Variants in YWHAG observed in about 807,000 individuals in gnomAD.
The protein encoded by YWHAG is 14-3-3 protein gamma.
A neutral mutation model predicts 23.3 loss-of-function variants in YWHAG; 1 was observed. The ratio of observed to expected loss-of-function variants is 0.04; its 90% CI spans 0.02 to 0.20. The LOEUF (loss-of-function observed/expected upper bound fraction) is 0.20, where lower values mean the gene tolerates loss of function less well. YWHAG is among the 10% of genes least tolerant of loss of function. YWHAG has a pLI of 1.00. For synonymous variants in YWHAG, 160 were observed against 144.0 expected (o/e 1.11, Z -0.80); for missense variants, 151 against 338.6 (o/e 0.45, Z 4.35).
intron 1 of YWHAG, among the ~76,000 whole-genome samples, chr7:76,356,523 C>G (rs1803962961): frequency 6.6e-6 from 1 of 152,132 alleles, no homozygotes; most frequent in South Asian, 2.1e-4. Context: ...AGGAAGTCAT[C>G]ATTTTTTTAA....
At chr7:76,356,605 G>A (rs1803964488) in intron 1 of YWHAG, among the ~76,000 whole-genome samples, 1 of 152,106 alleles carries the variant, frequency 6.6e-6, no homozygotes, top group African/African-American at 2.4e-5. Flanking sequence ...GTGCACTAGT[G>A]TCATAAACTA....
At chr7:76,338,870 C>T (rs1407153722) in intron 1 of YWHAG, among the ~76,000 whole-genome samples, 1 of 152,182 alleles carries the variant, frequency 6.6e-6, no homozygotes, top group African/African-American at 2.4e-5. Flanking sequence ...CTAGTTGGCA[C>T]TAAAAATCAC....
intron 1 of YWHAG, among the ~76,000 whole-genome samples, chr7:76,342,406 G>A (rs141996577): frequency 8.5e-5 from 13 of 152,268 alleles, no homozygotes; most frequent in South Asian, 2.1e-4. Flanking sequence ...GGTGAAGGAC[G>A]GTCTCTGACC....
intron 1 of YWHAG, among the ~76,000 whole-genome samples, chr7:76,339,451 C>T (rs1229025491): frequency 6.6e-6 from 1 of 152,026 alleles, no homozygotes; most frequent in Non-Finnish European, 1.5e-5. Context: ...GCCTGGGCAA[C>T]AGAGCAAGAT....
At chr7:76,336,565 G>A (rs1163484031) in intron 1 of YWHAG, among the ~76,000 whole-genome samples, 5 of 147,930 alleles carry the variant, frequency 3.4e-5, no homozygotes, top group Non-Finnish European at 7.4e-5. Flanking sequence ...AGTGATTCTC[G>A]TGCCTCAGCC....
chr7:76,342,407 G>A (rs745736022), intron 1 of YWHAG, among the ~76,000 whole-genome samples: 7 of 152,156 alleles, frequency 4.6e-5, no homozygotes, highest in Non-Finnish European at 8.8e-5. Context: ...GTGAAGGACG[G>A]TCTCTGACCC....
At chr7:76,349,434 CACACACACAG>C (rs1350443829) in intron 1 of YWHAG, among the ~76,000 whole-genome samples, 1 of 127,456 alleles carries the variant, frequency 7.8e-6, no homozygotes, top group East Asian at 2.7e-4. Flanking sequence ...CACACACACA[CACACACACAG>C]ACACACACAC....
At chr7:76,340,930 G>A (rs754470585) in intron 1 of YWHAG, among the ~76,000 whole-genome samples, 13 of 152,170 alleles carry the variant, frequency 8.5e-5, no homozygotes, top group Non-Finnish European at 1.6e-4. Flanking sequence ...AGGCTGGAGT[G>A]CAGTAGTATG....
chr7:76,335,206 T>C (rs952005448), intron 1 of YWHAG, among the ~76,000 whole-genome samples: 1 of 152,110 alleles, frequency 6.6e-6, no homozygotes, highest in Non-Finnish European at 1.5e-5. Flanking sequence ...TACAGGCGTG[T>C]GCCACTACGC....
chr7:76,349,891 G>T (rs1803849233), intron 1 of YWHAG, among the ~76,000 whole-genome samples: 1 of 152,200 alleles, frequency 6.6e-6, no homozygotes, highest in African/African-American at 2.4e-5. Flanking sequence ...CTACTGGGGA[G>T]GCTGAGGTAG....
Position 76,329,491 on chromosome 7 carries a change from C to CAA in YWHAG, c.*85_*86insTT. ...CCTGGGAAGGTCATCCCTCCCTTTC[C>CAA]CTCCCCCACCCGACCCCCAACTCAT... On this transcript the variant is annotated 3_prime_UTR_variant, in exon 2 of 2. Coordinates refer to ENST00000307630, the MANE Select transcript of YWHAG (RefSeq NM_012479.4). The surrounding 1 kb of genome is among the most constrained non-coding windows in gnomAD (Gnocchi z 6.1). 1.0e-6 allele frequency: 1 copy of CAA among 981,326 alleles called. No individual in the cohort carries two copies. 60.8% of individuals were successfully genotyped at this position (981,326 alleles called of 1,614,324 possible). A position where few individuals can be genotyped will look rare whatever the true frequency, so the allele number is the denominator to read the frequency against.
chr7:76,348,528 C>T (rs753907642), intron 1 of YWHAG, among the ~76,000 whole-genome samples: 7 of 151,846 alleles, frequency 4.6e-5, no homozygotes, highest in Non-Finnish European at 8.8e-5. Flanking sequence ...CTCAGCCTCC[C>T]GAGTAGCTGG....
At chr7:76,349,928 A>C (rs774298705) in intron 1 of YWHAG, among the ~76,000 whole-genome samples, 1 of 152,070 alleles carries the variant, frequency 6.6e-6, no homozygotes, top group Non-Finnish European at 1.5e-5. Flanking sequence ...CAGGAGGGGG[A>C]GGTTGCAGTG....
intron 1 of YWHAG, among the ~76,000 whole-genome samples, chr7:76,353,241 C>A (rs1201765641): frequency 6.6e-6 from 1 of 152,008 alleles, no homozygotes; most frequent in Non-Finnish European, 1.5e-5. Flanking sequence ...AAGATGGAGT[C>A]TTGCTCTGTC....
At chr7:76,339,949 TGTG>T (rs1166696214) in intron 1 of YWHAG, among the ~76,000 whole-genome samples, 1 of 151,180 alleles carries the variant, frequency 6.6e-6, no homozygotes, top group Non-Finnish European at 1.5e-5. Context: ...ATTAGCCAGG[TGTG>T]GTGGCACACA....
intron 1 of YWHAG, among the ~76,000 whole-genome samples, chr7:76,349,938 G>A (rs1803850137): frequency 2.6e-5 from 4 of 152,162 alleles, no homozygotes; most frequent in African/African-American, 9.7e-5. Context: ...AGGTTGCAGT[G>A]AGTTGAGATT....
At chr7:76,349,296 G>A (rs572433469) in intron 1 of YWHAG, among the ~76,000 whole-genome samples, 146 of 148,150 alleles carry the variant, frequency 9.9e-4, no homozygotes, top group African/African-American at 3.5e-3. Flanking sequence ...CTGAGATCGC[G>A]CCACTGCACT....
chr7:76,356,410 G>C (rs1027128537), intron 1 of YWHAG, among the ~76,000 whole-genome samples: 2 of 152,090 alleles, frequency 1.3e-5, no homozygotes, highest in African/African-American at 4.8e-5. Flanking sequence ...TACTGTGAAG[G>C]AGCAGAAGCA....
intron 1 of YWHAG, among the ~76,000 whole-genome samples, chr7:76,339,908 G>A (rs1376539187): frequency 6.6e-6 from 1 of 152,118 alleles, no homozygotes; most frequent in South Asian, 2.1e-4. Flanking sequence ...GGCCAACACG[G>A]TGAAACCCCG....
Sources: allele counts gnomAD v4.1 joint callset (sites outside exome capture counted in the v4.1 genomes callset), GRCh38; gene constraint gnomAD v4.1.1; non-coding constraint Gnocchi (gnomAD v3.1); transcripts MANE v1.5; gene names NCBI Gene and HGNC (gene_info 2026-07-23, HGNC 2026-07-21).